Variants in GK observed in about 807,000 individuals in gnomAD.
GK encodes glycerol kinase.
A neutral mutation model predicts 56.4 loss-of-function variants in GK; 9 were observed. The ratio of observed to expected loss-of-function variants is 0.16; its 90% confidence interval spans 0.10 to 0.28. GK has a LOEUF of 0.28. Ranked by LOEUF, GK falls within the 10% of genes least tolerant of loss-of-function variation. GK has a pLI of 1.00. For missense variants in GK, 161 were observed against 431.4 expected (o/e 0.37, Z 5.55); for synonymous variants, 104 against 144.1 (o/e 0.72, Z 1.99).
Position 30,725,201 on chromosome X carries a change from G to C in GK, c.1582+1020G>C, listed in dbSNP as rs968484930. ...CCTGGCTTGAGCATATACTTTAATGGGGAAGAGTTGACAAATGAAATAATA... is the reference window on the plus strand; with the variant it reads ...CCTGGCTTGAGCATATACTTTAATGCGGAAGAGTTGACAAATGAAATAATA... On this transcript the variant is annotated intron_variant, in intron 19 of 20. Coordinates refer to ENST00000427190, the MANE Select transcript of GK (RefSeq NM_001205019.2). 5.4e-5 allele frequency among the ~76,000 whole-genome samples: 6 copies of C among 111,452 alleles called. No individual in the cohort carries two copies. In the South Asian group the frequency reaches 2.3e-3, roughly 42 times the overall value.
In GK at chrX:30,685,087, G is replaced by A. The variant is rs909945419; in HGVS notation, c.338-6036G>A. ...CCATAGATGACAAACCACCTAAAAC[G>A]CCTAAGCACACTTAACTTTAAACAA... On this transcript the variant is annotated intron_variant, in intron 4 of 20. Coordinates refer to ENST00000427190, the MANE Select transcript of GK (RefSeq NM_001205019.2). Among the ~76,000 whole-genome samples the A allele has an allele frequency of 3.5e-4, 39 of 111,198 alleles. 1 individual carries two copies. The highest frequency in any genetic ancestry group is 3.8e-4 in the South Asian group (1 of 2,649).
intron 13 of GK, among the ~76,000 whole-genome samples, chrX:30,715,662 T>G (rs181549973): frequency 1.6e-4 from 18 of 112,455 alleles, no homozygotes; most frequent in African/African-American, 5.5e-4. Context: ...TGTCCAGCTT[T>G]GAAACATTAT....
intron 11 of GK, 53 bp downstream of exon 11, chrX:30,700,958 G>A (rs1935621540): frequency 1.3e-6 from 1 of 797,824 alleles, no homozygotes; most frequent in African/African-American, 2.0e-5. Context: ...TTTTCTACTT[G>A]GTGCTTTGAA....
At chrX:30,703,162 G>A (rs1935781455) in intron 11 of GK, among the ~76,000 whole-genome samples, 2 of 112,273 alleles carry the variant, frequency 1.8e-5, no homozygotes, top group Non-Finnish European at 3.8e-5. Flanking sequence ...ACAAAGATAC[G>A]TATGGGGAAA....
chrX:30,669,429 G>T (rs996336615), intron 3 of GK, among the ~76,000 whole-genome samples: 90 of 110,655 alleles, frequency 8.1e-4, no homozygotes, highest in Non-Finnish European at 1.5e-3. Flanking sequence ...TGACCCGCCC[G>T]CCTCGGCCTC....
At chrX:30,662,467 G>A (rs1252677019) in intron 1 of GK, among the ~76,000 whole-genome samples, 1 of 111,421 alleles carries the variant, frequency 9.0e-6, no homozygotes, top group Non-Finnish European at 1.9e-5. Context: ...TGGCTTCATG[G>A]TCTAATACAG....
chrX:30,669,636 T>C (rs1180500458), intron 3 of GK, among the ~76,000 whole-genome samples: 2 of 111,841 alleles, frequency 1.8e-5, no homozygotes, highest in African/African-American at 6.5e-5. Context: ...AATTTTCAAG[T>C]TTACCATTCA....
In GK at chrX:30,730,637, T is replaced by G. The variant is rs1937310659; in HGVS notation, c.*1895T>G. On this transcript the variant is annotated 3_prime_UTR_variant, in exon 21 of 21. Transcript: ENST00000427190. ...GCATTTCTCATTTACAGACTAGAACTTAGTTGAAAGTTAAATTAAGAAAGA... is the reference window on the plus strand; with the variant it reads ...GCATTTCTCATTTACAGACTAGAACGTAGTTGAAAGTTAAATTAAGAAAGA... 1 of 111,673 alleles carries G rather than the reference T, an allele frequency of 9.0e-6. No homozygotes were observed. Among genetic ancestry groups the G allele is most frequent in the Admixed American group, 9.6e-5 (1 of 10,423 alleles). The allele number at this position is 111,673 out of a possible 1,213,427, so 9.2% of individuals were successfully genotyped here.
At chrX:30,657,143 C>A (rs758759203) in intron 1 of GK, among the ~76,000 whole-genome samples, 3 of 112,969 alleles carry the variant, frequency 2.7e-5, no homozygotes, top group Non-Finnish European at 5.6e-5. Flanking sequence ...GCCACCGTGC[C>A]CAGCCAAGTT....
intron 16 of GK, 70 bp downstream of exon 16, chrX:30,720,165 C>T (rs1214542928): frequency 1.7e-5 from 11 of 642,827 alleles, no homozygotes; most frequent in East Asian, 6.6e-5. Context: ...TGTTAACACC[C>T]GAGATTTATT....
chrX:30,662,809 T>TTCTCTC (rs368743449), intron 1 of GK, among the ~76,000 whole-genome samples: 64 of 62,279 alleles, frequency 1.0e-3, no homozygotes, highest in Non-Finnish European at 1.5e-3. Context: ...CCTTCCTTCC[T>TTCTCTC]TCTCTCTCTC....
chrX:30,706,067 GT>G (rs1485338955), intron 11 of GK, among the ~76,000 whole-genome samples: 1 of 111,820 alleles, frequency 8.9e-6, no homozygotes, highest in Non-Finnish European at 1.9e-5. Context: ...CAATAAAACG[GT>G]ATAGTGATTT....
At chrX:30,675,612 G>A (rs1459345546) in intron 3 of GK, among the ~76,000 whole-genome samples, 1 of 103,834 alleles carries the variant, frequency 9.6e-6, no homozygotes, top group African/African-American at 3.6e-5. Context: ...CCAAACTCCT[G>A]GGCTCAAGCA....
intron 1 of GK, among the ~76,000 whole-genome samples, chrX:30,656,758 G>A (rs1055179127): frequency 8.9e-6 from 1 of 112,809 alleles, no homozygotes; most frequent in Non-Finnish European, 1.9e-5. Flanking sequence ...ATACAAAGAT[G>A]AACAGCACTT....
intron 1 of GK, among the ~76,000 whole-genome samples, chrX:30,653,926 C>A (rs1480491952): frequency 8.9e-6 from 1 of 112,776 alleles, no homozygotes; most frequent in East Asian, 2.8e-4. Context: ...GCAGAGCGGC[C>A]CGCTTGCAGT....
intron 11 of GK, among the ~76,000 whole-genome samples, chrX:30,706,255 G>T (rs1175665228): frequency 8.9e-6 from 1 of 112,176 alleles, no homozygotes; most frequent in African/African-American, 3.2e-5. Flanking sequence ...GGTAACAATG[G>T]TACCTGGAAA....
At chrX:30,653,664 G>C in intron 1 of GK, 49 bp downstream of exon 1, 1 of 1,010,481 alleles carries the variant, frequency 9.9e-7, no homozygotes, top group Non-Finnish European at 1.4e-6. Flanking sequence ...GGCGGGAGTC[G>C]GGGGACGGAG....
At position 30,729,369 on chromosome X, in the gene GK, A is replaced by G. The variant is rs1227312255; in HGVS notation, c.*627A>G. 9.0e-6 allele frequency: 1 copy of G among 110,591 alleles called. No homozygotes were observed. Among genetic ancestry groups the G allele is most frequent in the African/African-American group, 3.3e-5 (1 of 30,382 alleles). The allele number at this position is 110,591 out of a possible 1,213,427, so 9.1% of individuals were successfully genotyped here. A position where few individuals can be genotyped will look rare whatever the true frequency, so the allele number is the denominator to read the frequency against. On this transcript the variant is annotated 3_prime_UTR_variant, in exon 21 of 21. Coordinates refer to ENST00000427190, the MANE Select transcript of GK (RefSeq NM_001205019.2). ...TCCTTCAGATGTTTTCCATGGTCCC[A>G]CTAATTATAATGACTTTCTGTCTGG...
intron 3 of GK, among the ~76,000 whole-genome samples, chrX:30,675,519 CTTTT>C (rs752900168): frequency 4.4e-5 from 4 of 90,171 alleles, no homozygotes; most frequent in Admixed American, 1.2e-4. Context: ...TTTTATTCTT[CTTTT>C]TTTTTTTTTT....
Sources: gnomAD v4.1 joint callset for allele counts (sites outside exome capture counted in the v4.1 genomes callset) on GRCh38, gnomAD v4.1.1 for gene constraint, MANE v1.5 for transcripts, NCBI Gene and HGNC (gene_info 2026-07-23, HGNC 2026-07-21) for gene names.